Variants in TMEM132C observed in about 807,000 individuals in gnomAD.
TMEM132C encodes protein phosphatase 1, regulatory subunit 152.
TMEM132C carries 29 observed loss-of-function variants against 61.4 expected under a neutral mutation model. That is an observed-to-expected ratio of 0.47 (90% CI 0.35 to 0.64). TMEM132C has a LOEUF of 0.64. Ranked by LOEUF, TMEM132C falls within the 30% of genes least tolerant of loss-of-function variation. The pLI, the probability that TMEM132C is intolerant of heterozygous loss-of-function variation, is 0.00. For missense variants in TMEM132C, 1,408 were observed against 1,476.9 expected, an observed-to-expected ratio of 0.95 and a Z score of 0.76; for synonymous variants, 656 against 633.1, an observed-to-expected ratio of 1.04 and a Z score of -0.54.
intron 4 of TMEM132C, among the ~76,000 whole-genome samples, chr12:128,629,906 C>G (rs1482207737): frequency 6.7e-6 from 1 of 148,760 alleles, no homozygotes; most frequent in African/African-American, 2.5e-5. Context: ...GCAGAGGTTG[C>G]AGTGAGCTGA....
At chr12:128,285,500 A>T (rs113891798) in intron 1 of TMEM132C, among the ~76,000 whole-genome samples, 3,358 of 152,248 alleles carry the variant, frequency 0.022, 132 homozygotes, top group East Asian at 0.14. Context: ...AACACAAGTA[A>T]CAGGTTAACA....
intron 1 of TMEM132C, among the ~76,000 whole-genome samples, chr12:128,377,564 A>G (rs1174919257): frequency 3.3e-5 from 5 of 152,220 alleles, no homozygotes; most frequent in Non-Finnish European, 7.3e-5. Flanking sequence ...AGTGAATACA[A>G]CAGGAAGTAT....
rs1322178074 is a variant in TMEM132C, at chr12:128,278,478, T to C, written c.85+10991T>C. On this transcript the variant is annotated intron_variant, in intron 1 of 8. Coordinates refer to ENST00000435159, the MANE Select transcript of TMEM132C (RefSeq NM_001136103.3). This position sits in a 1 kb window ranked among gnomAD's most constrained non-coding sequence, Gnocchi z 4.2. ...CACTGCCTTCTCCTGGTCAGTTGTC[T>C]CCCTGGCCATGTCCTGGCCCTTGAC... Among the ~76,000 whole-genome samples the C allele has an allele frequency of 6.6e-6, 1 of 152,160 alleles. No homozygotes were observed. Among genetic ancestry groups the C allele is most frequent in the Non-Finnish European group, 1.5e-5 (1 of 68,032 alleles).
At chr12:128,597,963 G>C (rs989954367) in intron 3 of TMEM132C, among the ~76,000 whole-genome samples, 1 of 152,200 alleles carries the variant, frequency 6.6e-6, no homozygotes, top group Admixed American at 6.5e-5. Context: ...TGATCAAGGA[G>C]GGAAAGCAAA....
chr12:128,427,704 C>T (rs1354495286), intron 2 of TMEM132C, among the ~76,000 whole-genome samples: 7 of 152,130 alleles, frequency 4.6e-5, no homozygotes, highest in Admixed American at 6.5e-5. Context: ...TTAAGGCACT[C>T]GGCTGGAGAA....
chr12:128,705,541 C>G lies in TMEM132C; in HGVS notation c.2573C>G (p.Thr858Ser). ...GAAGGGGCTCTCCGAAGAGCCACTA[C>G]CACGGCCAGGTCCCTGCTGGACAAC... ...REEGALRRAT[T>S]TARSLLDNKV... The change falls in exon 9 of 9, where the codon ACC becomes AGC. Residue 858 changes from threonine to serine, a missense_variant. Thr to Ser is a moderately conservative substitution (Grantham distance 58). Coordinates refer to ENST00000435159, the MANE Select transcript of TMEM132C (RefSeq NM_001136103.3). 1 of 1,551,088 alleles carries G rather than the reference C, an allele frequency of 6.4e-7. No homozygotes were observed. The highest frequency in any genetic ancestry group is 8.7e-7 in the Non-Finnish European group (1 of 1,146,986).
intron 4 of TMEM132C, among the ~76,000 whole-genome samples, chr12:128,661,803 G>A (rs940023793): frequency 7.2e-5 from 11 of 152,164 alleles, no homozygotes; most frequent in South Asian, 2.1e-4. Flanking sequence ...AAAACATAAT[G>A]TTGAGTGTTT....
intron 4 of TMEM132C, among the ~76,000 whole-genome samples, chr12:128,655,420 A>G (rs553599767): frequency 6.1e-4 from 93 of 152,242 alleles, no homozygotes; most frequent in African/African-American, 2.1e-3. Flanking sequence ...TGCACCTAAC[A>G]GAGTCAGCTT....
At position 128,600,646 on chromosome 12, in the gene TMEM132C, T is replaced by C. The variant is rs181446267; in HGVS notation, c.1122-15506T>C. 1.8e-4 allele frequency among the ~76,000 whole-genome samples: 28 copies of C among 152,292 alleles called. No individual in the cohort carries two copies. The East Asian group carries it at 3.9e-3, about 21-fold the overall frequency. On this transcript the variant is annotated intron_variant, in intron 3 of 8. Coordinates refer to ENST00000435159, the MANE Select transcript of TMEM132C (RefSeq NM_001136103.3). ...AGCCCCAAGACTTGCTGCCTTCCAA[T>C]GCACTCTGGTCAGTCTCCTCGCGTG...
At chr12:128,488,952 G>A (rs1014162453) in intron 2 of TMEM132C, among the ~76,000 whole-genome samples, 2 of 152,090 alleles carry the variant, frequency 1.3e-5, no homozygotes, top group Non-Finnish European at 2.9e-5. Flanking sequence ...GGTTGATAAA[G>A]GTTGCGATTC....
intron 2 of TMEM132C, among the ~76,000 whole-genome samples, chr12:128,440,674 G>A (rs532125393): frequency 2.6e-5 from 4 of 152,366 alleles, no homozygotes; most frequent in South Asian, 4.1e-4. Flanking sequence ...CAGCAAAGGA[G>A]TCTGGGAAAG....
intron 1 of TMEM132C, among the ~76,000 whole-genome samples, chr12:128,382,868 G>A (rs137934218): frequency 3.3e-5 from 5 of 152,276 alleles, no homozygotes; most frequent in African/African-American, 1.2e-4. Flanking sequence ...CTGAGTATGT[G>A]TGTGTTTGTG....
intron 2 of TMEM132C, among the ~76,000 whole-genome samples, chr12:128,517,689 G>T (rs937510186): frequency 1.3e-5 from 2 of 152,076 alleles, no homozygotes; most frequent in African/African-American, 2.4e-5. Flanking sequence ...AATAAATTTG[G>T]GGGTATCATT....
intron 3 of TMEM132C, among the ~76,000 whole-genome samples, chr12:128,569,589 C>A (rs918663006): frequency 1.3e-5 from 2 of 152,138 alleles, no homozygotes; most frequent in African/African-American, 4.8e-5. Flanking sequence ...TTACATTTTC[C>A]ATTTATACCA....
chr12:128,285,386 CAA>C (rs934077723), intron 1 of TMEM132C, among the ~76,000 whole-genome samples: 1 of 149,252 alleles, frequency 6.7e-6, no homozygotes, highest in Non-Finnish European at 1.5e-5. Context: ...GGAATGAAAA[CAA>C]AAAAAAAGAC....
At chr12:128,542,176 C>T (rs1873782320) in intron 2 of TMEM132C, among the ~76,000 whole-genome samples, 1 of 152,184 alleles carries the variant, frequency 6.6e-6, no homozygotes. Context: ...TGCTCACTGA[C>T]AGCTTGAAGC....
At chr12:128,558,050 A>G (rs1874388141) in intron 3 of TMEM132C, among the ~76,000 whole-genome samples, 1 of 152,218 alleles carries the variant, frequency 6.6e-6, no homozygotes, top group Non-Finnish European at 1.5e-5. Flanking sequence ...TGAGATGATA[A>G]GTAATAATAG....
intron 3 of TMEM132C, among the ~76,000 whole-genome samples, chr12:128,545,315 TG>T (rs1472512014): frequency 6.6e-6 from 1 of 152,248 alleles, no homozygotes; most frequent in African/African-American, 2.4e-5. Context: ...TTCTTTTTTA[TG>T]GCTGTGTAGT....
Position 128,570,729 on chromosome 12 carries a change from G to T in TMEM132C, c.1121+26626G>T, listed in dbSNP as rs1874848664. Among the ~76,000 whole-genome samples, 1 of 152,194 alleles carries T rather than the reference G, an allele frequency of 6.6e-6. No homozygotes were observed. Among genetic ancestry groups the T allele is most frequent in the Non-Finnish European group, 1.5e-5 (1 of 68,040 alleles). ...GCTATACCCACAGGCATCTTATTGT[G>T]TTCCAGGTAGAGCAAATGGAGGAAG... On this transcript the variant is annotated intron_variant, in intron 3 of 8. Transcript: ENST00000435159. The surrounding 1 kb of genome is among the most constrained non-coding windows in gnomAD (Gnocchi z 4.7).
Sources: allele counts gnomAD v4.1 joint callset (sites outside exome capture counted in the v4.1 genomes callset), GRCh38; gene constraint gnomAD v4.1.1; non-coding constraint Gnocchi (gnomAD v3.1); transcripts MANE v1.5; gene names NCBI Gene and HGNC (gene_info 2026-07-23, HGNC 2026-07-21).